The following LRRK1 variants were observed in gnomAD, a reference collection of about 807,000 sequenced individuals.
The protein encoded by LRRK1 is leucine rich repeat kinase 1, also known as leucine-rich repeat serine/threonine-protein kinase 1.
Under a neutral mutation model 209.1 loss-of-function variants are expected in LRRK1, and 113 were observed. The observed-to-expected ratio is 0.54, with a 90% CI of 0.46 to 0.63. The LOEUF (loss-of-function observed/expected upper bound fraction) is 0.63. Ranked by LOEUF, LRRK1 falls within the 30% of genes least tolerant of loss-of-function variation. The pLI, the probability that LRRK1 is intolerant of heterozygous loss-of-function variation, is 0.00. For synonymous variants in LRRK1, 1,144 were observed against 1,099.7 expected (o/e 1.04, Z -0.80); for missense variants, 2,284 against 2,632.2 (o/e 0.87, Z 2.89).
rs954695886 is a variant in LRRK1, at chr15:101,014,520, G to A, written c.1532+92G>A. 29 of 831,994 alleles carry A rather than the reference G, an allele frequency of 3.5e-5. 1 individual carries two copies. Among genetic ancestry groups the A allele is most frequent in the Middle Eastern group, 3.1e-4 (1 of 3,190 alleles). 51.5% of individuals were successfully genotyped at this position (831,994 alleles called of 1,614,324 possible). ...TCTGAATGGTGGCATGTGAGTCTGC[G>A]AGGGCTGCTGAGCCGCCAGCTGGGG... On this transcript the variant is annotated intron_variant, in intron 11 of 33. Coordinates refer to ENST00000388948, the MANE Select transcript of LRRK1 (RefSeq NM_024652.6).
intron 6 of LRRK1, among the ~76,000 whole-genome samples, chr15:100,992,134 T>C (rs2032181974): frequency 6.6e-6 from 1 of 152,212 alleles, no homozygotes. Context: ...TAATTTTCTA[T>C]TTTTAATGTT....
At chr15:101,048,046 G>A (rs1235486111) in intron 21 of LRRK1, among the ~76,000 whole-genome samples, 7 of 151,186 alleles carry the variant, frequency 4.6e-5, no homozygotes, top group Admixed American at 1.3e-4. Flanking sequence ...TAACATATAC[G>A]AAATTAGAAA....
At chr15:101,006,224 A>C (rs2032943817) in intron 6 of LRRK1, among the ~76,000 whole-genome samples, 1 of 152,222 alleles carries the variant, frequency 6.6e-6, no homozygotes, top group Non-Finnish European at 1.5e-5. Flanking sequence ...GTTGTTGCCC[A>C]AAATAGCTAA....
chr15:101,046,279 C>A, intron 21 of LRRK1, 127 bp downstream of exon 21: 2 of 1,046,618 alleles, frequency 1.9e-6, no homozygotes, highest in Non-Finnish European at 2.8e-6. Flanking sequence ...GCCATGCCAC[C>A]AATGTAGTGC....
rs182081726 is a variant in LRRK1, at chr15:100,955,968, A to G, written c.98-17836A>G. ...AATTTTCTTTTCTTATGGTGTTTTTATCTGGCTGTGGTAGGAGGTATTGCT... is the reference window on the plus strand; with the variant it reads ...AATTTTCTTTTCTTATGGTGTTTTTGTCTGGCTGTGGTAGGAGGTATTGCT... On this transcript the variant is annotated intron_variant, in intron 2 of 33. Coordinates refer to ENST00000388948, the MANE Select transcript of LRRK1 (RefSeq NM_024652.6). Among the ~76,000 whole-genome samples, 245 of 152,180 alleles carry G rather than the reference A, an allele frequency of 1.6e-3. 2 individuals are homozygous for G. The highest frequency in any genetic ancestry group is 5.7e-3 in the African/African-American group (236 of 41,526).
chr15:100,939,632 A>C (rs1210897655), intron 2 of LRRK1, among the ~76,000 whole-genome samples: 1 of 152,178 alleles, frequency 6.6e-6, no homozygotes, highest in East Asian at 1.9e-4. Flanking sequence ...ATGGTTGCTT[A>C]GATCAATTAT....
chr15:100,927,237 TG>T (rs1415214292), intron 2 of LRRK1, among the ~76,000 whole-genome samples: 6 of 152,206 alleles, frequency 3.9e-5, no homozygotes, highest in Non-Finnish European at 2.9e-5. Context: ...CAATGGGCTT[TG>T]GACAAACCCA....
Position 101,058,159 on chromosome 15 carries a change from GC to G in LRRK1, c.4679+21del. The G allele has an allele frequency of 6.2e-7, 1 of 1,611,686 alleles. No individual in the cohort carries two copies. Among genetic ancestry groups the G allele is most frequent in the Non-Finnish European group, 8.5e-7 (1 of 1,178,826 alleles). The stretch of plus-strand genomic sequence containing the variant: ...GAGTCCAGGTAAGCTCCTGCGGGCT[GC>G]CCTGCCCCCTTTGTATTTGGGGTGG... On this transcript the variant is annotated intron_variant, in intron 29 of 33. Transcript: ENST00000388948.
intron 6 of LRRK1, among the ~76,000 whole-genome samples, chr15:100,991,620 A>G (rs2141672924): frequency 6.6e-6 from 1 of 152,292 alleles, no homozygotes; most frequent in South Asian, 2.1e-4. Context: ...TTTTACTAGA[A>G]TTCCTCAATA....
chr15:101,025,188 C>A (rs1328033569), intron 16 of LRRK1, among the ~76,000 whole-genome samples: 2 of 152,174 alleles, frequency 1.3e-5, no homozygotes, highest in African/African-American at 4.8e-5. Context: ...AATTTAGGAA[C>A]CCCCACCCTT....
intron 2 of LRRK1, among the ~76,000 whole-genome samples, chr15:100,926,131 T>G (rs1350835211): frequency 1.3e-5 from 2 of 152,262 alleles, no homozygotes; most frequent in Non-Finnish European, 2.9e-5. Context: ...AATTTGCTTC[T>G]TGACATTGCC....
At chr15:101,042,718 C>G (rs1358075527) in intron 20 of LRRK1, among the ~76,000 whole-genome samples, 1 of 152,220 alleles carries the variant, frequency 6.6e-6, no homozygotes, top group Non-Finnish European at 1.5e-5. Flanking sequence ...TCCTTACAAG[C>G]AGGGTGCTCT....
At position 101,010,540 on chromosome 15, in the gene LRRK1, A is replaced by G; in HGVS notation, c.1080A>G (p.Ser360=). The G allele has an allele frequency of 6.2e-7, 1 of 1,612,520 alleles. No individual in the cohort carries two copies. Among genetic ancestry groups the G allele is most frequent in the Non-Finnish European group, 8.5e-7 (1 of 1,179,626 alleles). The change falls in exon 8 of 34, where the codon TCA becomes TCG. Residue 360 remains serine, a synonymous_variant. Coordinates refer to ENST00000388948, the MANE Select transcript of LRRK1 (RefSeq NM_024652.6). Reference sequence around the variant, plus strand: ...CAAAACTTCAAAAACTGACAGCTTCAAAAAATTGTTTAGAAAAATTGTTCG... The same window carrying G: ...CAAAACTTCAAAAACTGACAGCTTCGAAAAATTGTTTAGAAAAATTGTTCG... ...HLSKLQKLTA[S]KNCLEKLFEE...
intron 7 of LRRK1, 67 bp downstream of exon 7, chr15:101,009,130 C>A: frequency 1.6e-6 from 2 of 1,238,710 alleles, no homozygotes; most frequent in Non-Finnish European, 2.3e-6. Context: ...CCTGCACATG[C>A]TCCCGGGTTG....
At chr15:100,945,482 C>CTTTTTTTTTTTTTTTTTTTT in intron 2 of LRRK1, among the ~76,000 whole-genome samples, 1 of 63,572 alleles carries the variant, frequency 1.6e-5, no homozygotes, top group Non-Finnish European at 2.9e-5. Context: ...TGCAGAGCCT[C>CTTTTTTTTTTTTTTTTTTTT]TTTTTTTTTT....
At chr15:101,019,205 T>C (rs905801561) in intron 12 of LRRK1, among the ~76,000 whole-genome samples, 21 of 152,214 alleles carry the variant, frequency 1.4e-4, no homozygotes, top group African/African-American at 4.6e-4. Flanking sequence ...AGCCATCTCT[T>C]ACTTAAAGAG....
At position 101,053,423 on chromosome 15, in the gene LRRK1, A is replaced by T; in HGVS notation, c.4054+3A>T. The T allele has an allele frequency of 6.4e-7, 1 of 1,574,144 alleles. No individual in the cohort carries two copies. The highest frequency in any genetic ancestry group is 8.6e-7 in the Non-Finnish European group (1 of 1,166,258). Reference sequence around the variant, plus strand: ...CGTGCTGTCCGAGAACGCCAGAGGTACCGCGGCGCGCCGCCCCACCCGGCC... The same window carrying T: ...CGTGCTGTCCGAGAACGCCAGAGGTTCCGCGGCGCGCCGCCCCACCCGGCC... On this transcript the variant is annotated splice_donor_region_variant and intron_variant, in intron 26 of 33. Transcript: ENST00000388948.
At chr15:100,972,317 GAT>G (rs140979590) in intron 2 of LRRK1, among the ~76,000 whole-genome samples, 13,168 of 77,256 alleles carry the variant, frequency 0.17, 1,076 homozygotes, top group East Asian at 0.51. Context: ...TGTAATTTGG[GAT>G]ATATATATAT....
At chr15:100,985,291 A>G (rs1325350589) in intron 4 of LRRK1, among the ~76,000 whole-genome samples, 1 of 152,212 alleles carries the variant, frequency 6.6e-6, no homozygotes, top group Non-Finnish European at 1.5e-5. Context: ...GGGAGCCCCA[A>G]GATTAGCTCT....
Sources: gnomAD v4.1 joint callset for allele counts (sites outside exome capture counted in the v4.1 genomes callset) on GRCh38, gnomAD v4.1.1 for gene constraint, MANE v1.5 for transcripts, NCBI Gene and HGNC (gene_info 2026-07-23, HGNC 2026-07-21) for gene names.